DISP3: variants seen among roughly 807,000 people sequenced by gnomAD.
The protein encoded by DISP3 is dispatched RND transporter family member 3.
A neutral mutation model predicts 135.3 loss-of-function variants in DISP3; 101 were observed. That is an observed-to-expected ratio of 0.75 (90% CI 0.64 to 0.88). The LOEUF (loss-of-function observed/expected upper bound fraction) is 0.88. Among genes scored for constraint, DISP3 ranks in the 40% least tolerant of loss-of-function variants. The pLI is 0.00. For missense variants in DISP3, 1,713 were observed against 1,878.6 expected (o/e 0.91, Z 1.63); for synonymous variants, 856 against 817.0 (o/e 1.05, Z -0.81).
Position 11,536,517 on chromosome 1 carries a change from G to A in DISP3, c.4010G>A (p.Ser1337Asn). ...GVSILYTLTV[S>N]TALLGIMAPS... is the part of the protein sequence containing the mutation. ...TCCATCCTCTACACGCTGACCGTCA[G>A]CACCGCCCTGCTGGGCATCATGGCG... The change falls in exon 21 of 21, where the codon AGC (serine) becomes AAC (asparagine). Residue 1337 changes from serine to asparagine, a missense_variant. Around this residue, in one of 2 missense-constraint regions of DISP3, gnomAD observed 1,142 missense variants for 1,384.6 expected, o/e 0.82. Coordinates refer to ENST00000294484, the MANE Select transcript of DISP3 (RefSeq NM_020780.2). This position sits in a 1 kb window ranked among gnomAD's most constrained non-coding sequence, Gnocchi z 4.3. 6.2e-7 allele frequency: 1 copy of A among 1,613,282 alleles called. No homozygotes were observed. The highest frequency in any genetic ancestry group is 8.5e-7 in the Non-Finnish European group (1 of 1,179,994).
chr1:11,484,682 C>T (rs1053038370), intron 1 of DISP3, among the ~76,000 whole-genome samples: 2 of 152,154 alleles, frequency 1.3e-5, no homozygotes, highest in African/African-American at 4.8e-5. Flanking sequence ...AGATGGGGAA[C>T]CTGCCAGTTT....
chr1:11,501,263 T>G lies in DISP3; in HGVS notation c.271T>G (p.Phe91Val). ...CAGCATCCCCATGGCCCTGTCAGCC[T>G]TCATGTTCCTTTACTACCCACCGCT... ...GCSIPMALSA[F>V]MFLYYPPLDI... Residue 91 changes from phenylalanine to valine, a missense_variant, in exon 2 of 21, where the codon TTC becomes GTC. Transcript: ENST00000294484. This position sits in a 1 kb window ranked among gnomAD's most constrained non-coding sequence, Gnocchi z 4.9. The G allele has an allele frequency of 6.2e-7, 1 of 1,614,122 alleles. No homozygotes were observed. Among genetic ancestry groups the G allele is most frequent in the Non-Finnish European group, 8.5e-7 (1 of 1,180,040 alleles).
At chr1:11,533,679 T>G in intron 17 of DISP3, 1 of 670,716 alleles carries the variant, frequency 1.5e-6, no homozygotes, top group East Asian at 2.7e-5. Flanking sequence ...CCACTCAGGC[T>G]CACCACACGG....
intron 1 of DISP3, among the ~76,000 whole-genome samples, chr1:11,485,240 G>T (rs1641006033): frequency 6.6e-6 from 1 of 152,126 alleles, no homozygotes; most frequent in Non-Finnish European, 1.5e-5. Context: ...CAGTCAAGTG[G>T]TCTCTCCAGG....
intron 3 of DISP3, among the ~76,000 whole-genome samples, chr1:11,510,647 C>T (rs995644819): frequency 1.3e-5 from 2 of 152,186 alleles, no homozygotes; most frequent in Non-Finnish European, 2.9e-5. Flanking sequence ...CCATCTGTTA[C>T]CATTTTCCTT....
At chr1:11,511,737 AGGGACTCTGTGTG>A (rs552419914) in intron 3 of DISP3, among the ~76,000 whole-genome samples, 1 of 152,332 alleles carries the variant, frequency 6.6e-6, no homozygotes, top group South Asian at 2.1e-4. Context: ...GTGGCCCAGT[AGGGACTCTGTGTG>A]GGGACTCTGA....
In DISP3 at chr1:11,532,119, C is replaced by G. The variant is rs181140450; in HGVS notation, c.3375+409C>G. 1.2e-3 allele frequency among the ~76,000 whole-genome samples: 176 copies of G among 152,338 alleles called. 2 individuals are homozygous for G. The South Asian group carries it at 0.018, about 15-fold the overall frequency. On this transcript the variant is annotated intron_variant, in intron 17 of 20. Transcript: ENST00000294484. Reference sequence around the variant, plus strand: ...GGGTGGCCAGGAGTCCGGCCATCCCCCGTACCTCCCTGCTGCCTGTCACCT... The same window carrying G: ...GGGTGGCCAGGAGTCCGGCCATCCCGCGTACCTCCCTGCTGCCTGTCACCT...
In DISP3 at chr1:11,517,548, C is replaced by T. The variant is rs1248708094; in HGVS notation, c.1835C>T (p.Ala612Val). The T allele has an allele frequency of 6.2e-7, 1 of 1,614,236 alleles. No homozygotes were observed. Among genetic ancestry groups the T allele is most frequent in the African/African-American group, 1.3e-5 (1 of 75,072 alleles). ...GCCGTGCTTGTCACCATGCCTGCAG[C>T]TCTGGGCCTCTGGAGCCTCTACCTG... Reference protein sequence around the residue: ...WLAVLVTMPAALGLWSLYLAP... With the variant: ...WLAVLVTMPAVLGLWSLYLAP... The change falls in exon 7 of 21, where the codon GCT (alanine) becomes GTT (valine). Residue 612 changes from alanine (A) to valine (V), a missense_variant. This residue lies in a region of DISP3 where 1,142 missense variants were observed against 1,384.6 expected (regional missense o/e 0.82). Coordinates refer to ENST00000294484, the MANE Select transcript of DISP3 (RefSeq NM_020780.2).
In DISP3 at chr1:11,526,676, T is replaced by A. The variant is rs1459540174; in HGVS notation, c.2639T>A (p.Phe880Tyr). ...GTGTATAGAGCGCCTTTTGGTAACT[T>A]CACCAAGAAGCTGACCGCTTGTATG... ...FQVYRAPFGN[F>Y]TKKLTACMST... The change falls in exon 13 of 21, where the codon TTC (phenylalanine) becomes TAC (tyrosine). Residue 880 changes from phenylalanine to tyrosine, a missense_variant. Physicochemically the swap from Phe to Tyr is conservative, Grantham distance 22. Around this residue, in one of 2 missense-constraint regions of DISP3, gnomAD observed 1,142 missense variants for 1,384.6 expected, o/e 0.82. Transcript: ENST00000294484. 2 of 1,614,074 alleles carry A rather than the reference T, an allele frequency of 1.2e-6. No individual in the cohort carries two copies. Among genetic ancestry groups the A allele is most frequent in the Non-Finnish European group, 1.7e-6 (2 of 1,179,936 alleles).
chr1:11,526,609 C>G (rs746121173), intron 12 of DISP3, 42 bp from the exon 13 acceptor site: 1 of 1,589,592 alleles, frequency 6.3e-7, no homozygotes, highest in Non-Finnish European at 8.6e-7. Context: ...CGAGGCAGCC[C>G]CCCCGAGTCA....
rs1419139753 is a variant in DISP3 at position 11,501,553 on chromosome 1, G to A, written c.561G>A (p.Arg187=). Residue 187 remains arginine, a synonymous_variant, in exon 2 of 21, where the codon CGG becomes CGA. Coordinates refer to ENST00000294484, the MANE Select transcript of DISP3 (RefSeq NM_020780.2). The surrounding 1 kb of genome is among the most constrained non-coding windows in gnomAD (Gnocchi z 4.9). ...AASLGGPGPY[R]DTSAAQKPTA... ...CACTCGGTGGCCCAGGCCCTTACCGGGACACTTCCGCGGCTCAAAAGCCCA... is the reference window on the plus strand; with the variant it reads ...CACTCGGTGGCCCAGGCCCTTACCGAGACACTTCCGCGGCTCAAAAGCCCA... The A allele has an allele frequency of 2.5e-6, 4 of 1,589,064 alleles. No homozygotes were observed. The highest frequency in any genetic ancestry group is 1.7e-6 in the Non-Finnish European group (2 of 1,166,128).
Position 11,529,429 on chromosome 1 carries a change from C to T in DISP3, c.2799-127C>T, listed in dbSNP as rs141184755. On this transcript the variant is annotated intron_variant, in intron 13 of 20. Coordinates refer to ENST00000294484, the MANE Select transcript of DISP3 (RefSeq NM_020780.2). The surrounding 1 kb of genome is among the most constrained non-coding windows in gnomAD (Gnocchi z 4.7). ...TCAACCTGAGAACAAATCCCCATGC[C>T]GGGGCAGAGCCCGAGTCCAGACCCC... 590 of 1,157,802 alleles carry T rather than the reference C, an allele frequency of 5.1e-4. No homozygotes were observed. The East Asian group carries it at 6.8e-3, about 13-fold the overall frequency. The allele number at this position is 1,157,802 out of a possible 1,614,324, so 71.7% of individuals were successfully genotyped here.
At chr1:11,500,845 G>T in intron 1 of DISP3, 145 bp from the exon 2 acceptor site, 1 of 858,378 alleles carries the variant, frequency 1.2e-6, no homozygotes, top group Admixed American at 2.7e-5. Context: ...CAGTTGTGTT[G>T]ATGCATGCTT....
intron 1 of DISP3, among the ~76,000 whole-genome samples, chr1:11,484,882 C>A (rs575837289): frequency 1.3e-5 from 2 of 152,284 alleles, no homozygotes; most frequent in South Asian, 4.1e-4. Context: ...CCTCAACCTC[C>A]TTTGCCAGAA....
At chr1:11,515,967 A>G in intron 5 of DISP3, 34 bp from the exon 6 acceptor site, 1 of 1,607,784 alleles carries the variant, frequency 6.2e-7, no homozygotes. Context: ...ACAGCAGAAT[A>G]ATCCTGAGCC....
At position 11,502,820 on chromosome 1, in the gene DISP3, C is replaced by T. The variant is rs1641588326; in HGVS notation, c.1239C>T (p.Asp413=). 1 of 1,614,240 alleles carries T rather than the reference C, an allele frequency of 6.2e-7. No individual in the cohort carries two copies. The highest frequency in any genetic ancestry group is 2.2e-5 in the East Asian group (1 of 44,884). Residue 413 remains aspartate, a synonymous_variant, in exon 3 of 21, where the codon GAC becomes GAT. Transcript: ENST00000294484. ...TGCCCAACTACTACTCAGTAGATGA[C>T]CGCTGGGAGGAACAACGGGCTAAGT... The part of the protein sequence containing the change: ...APLPNYYSVD[D]RWEEQRAKFQ...
Position 11,488,893 on chromosome 1 carries a change from C to T in DISP3, c.-4+9521C>T, listed in dbSNP as rs140479293. Among the ~76,000 whole-genome samples, 174 of 152,276 alleles carry T rather than the reference C, an allele frequency of 1.1e-3. 5 individuals are homozygous for T. The South Asian group carries it at 0.027, about 24-fold the overall frequency. On this transcript the variant is annotated intron_variant, in intron 1 of 20. Coordinates refer to ENST00000294484, the MANE Select transcript of DISP3 (RefSeq NM_020780.2). ...ATAATTCCTAGGAGGAGAAAACCTA[C>T]GCAAAAATGACCTGGAAGCTGGAAT...
intron 3 of DISP3, among the ~76,000 whole-genome samples, chr1:11,503,156 G>T (rs1361687850): frequency 6.6e-6 from 1 of 152,222 alleles, no homozygotes; most frequent in Non-Finnish European, 1.5e-5. Context: ...GAGGTCTTGG[G>T]TATTGATTTT....
intron 17 of DISP3, among the ~76,000 whole-genome samples, chr1:11,532,520 G>A (rs1642601830): frequency 6.6e-6 from 1 of 152,150 alleles, no homozygotes; most frequent in South Asian, 2.1e-4. Context: ...CTATTTATTT[G>A]TGTTACTCAT....
Sources: allele counts gnomAD v4.1 joint callset (sites outside exome capture counted in the v4.1 genomes callset), GRCh38; gene constraint gnomAD v4.1.1; regional missense constraint gnomAD v4.1.1; non-coding constraint Gnocchi (gnomAD v3.1); transcripts MANE v1.5; gene names NCBI Gene and HGNC (gene_info 2026-07-23, HGNC 2026-07-21).